MYBL1: variants seen among roughly 807,000 people sequenced by gnomAD.
MYBL1 encodes MYB proto-oncogene like 1.
MYBL1 carries 17 observed loss-of-function variants against 96.3 expected under a neutral mutation model. The observed-to-expected ratio is 0.18, with a 90% CI of 0.12 to 0.26. MYBL1 has a LOEUF of 0.26. Ranked by LOEUF, MYBL1 falls within the 10% of genes least tolerant of loss-of-function variation. The probability of loss-of-function intolerance (pLI) is 1.00; values close to 1 mark genes in which losing one functional copy is unlikely to be tolerated. For missense variants in MYBL1, 701 were observed against 882.9 expected (o/e 0.79, Z 2.61); for synonymous variants, 282 against 292.7 (o/e 0.96, Z 0.37).
intron 1 of MYBL1, among the ~76,000 whole-genome samples, chr8:66,605,154 T>C (rs1810262830): frequency 6.6e-6 from 1 of 152,188 alleles, no homozygotes; most frequent in African/African-American, 2.4e-5. Context: ...AAAGTATAAA[T>C]GAAATGTTTT....
chr8:66,611,765 A>G (rs1223603070), intron 1 of MYBL1, among the ~76,000 whole-genome samples: 2 of 152,240 alleles, frequency 1.3e-5, no homozygotes, highest in Non-Finnish European at 2.9e-5. Flanking sequence ...AAAACTAAGG[A>G]AAAAACAATT....
chr8:66,600,067 A>G (rs1810008448), intron 3 of MYBL1, among the ~76,000 whole-genome samples: 1 of 152,248 alleles, frequency 6.6e-6, no homozygotes, highest in South Asian at 2.1e-4. Flanking sequence ...AAGTGTTGAC[A>G]CTTAAAAAGA....
At chr8:66,571,102 G>A (rs1042313452) in intron 12 of MYBL1, among the ~76,000 whole-genome samples, 2 of 152,024 alleles carry the variant, frequency 1.3e-5, no homozygotes, top group African/African-American at 4.8e-5. Flanking sequence ...AAAAATAGAA[G>A]AACATAACTA....
At chr8:66,583,409 T>C (rs1015198083) in intron 8 of MYBL1, among the ~76,000 whole-genome samples, 2 of 151,784 alleles carry the variant, frequency 1.3e-5, no homozygotes, top group Non-Finnish European at 2.9e-5. Flanking sequence ...AAATAAACAA[T>C]GTAGCTAGAA....
chr8:66,585,317 T>C (rs1428128193), intron 8 of MYBL1, among the ~76,000 whole-genome samples: 1 of 152,178 alleles, frequency 6.6e-6, no homozygotes, highest in Non-Finnish European at 1.5e-5. Flanking sequence ...GATATCCATA[T>C]GCAGAAAAAT....
chr8:66,609,957 G>C (rs911839479), intron 1 of MYBL1, among the ~76,000 whole-genome samples: 2 of 151,890 alleles, frequency 1.3e-5, no homozygotes, highest in African/African-American at 4.8e-5. Flanking sequence ...CAGTAAAATT[G>C]GTTCCTATAC....
chr8:66,582,859 T>C, intron 8 of MYBL1, among the ~76,000 whole-genome samples: 1 of 152,158 alleles, frequency 6.6e-6, no homozygotes, highest in Non-Finnish European at 1.5e-5. Flanking sequence ...CAAATACTAT[T>C]TGATCTAAAA....
chr8:66,580,504 A>G lies in MYBL1; in HGVS notation c.868-138T>C, dbSNP rs1809163837. The stretch of plus-strand genomic sequence containing the variant: ...TCCTCAAAATTGGTATACTTTTTTC[A>G]TTAAACTTCATGCTTTGACTATGTT... On this transcript the variant is annotated intron_variant, in intron 8 of 15. Coordinates refer to ENST00000522677, the MANE Select transcript of MYBL1 (RefSeq NM_001080416.4). The G allele has an allele frequency of 5.0e-6, 3 of 604,646 alleles. No individual in the cohort carries two copies. The South Asian group carries it at 7.0e-5, about 14-fold the overall frequency. 37.5% of individuals were successfully genotyped at this position (604,646 alleles called of 1,614,324 possible).
chr8:66,572,644 T>C (rs1176547251), intron 11 of MYBL1, 48 bp from the exon 12 acceptor site: 1 of 944,260 alleles, frequency 1.1e-6, no homozygotes, highest in Non-Finnish European at 1.6e-6. Context: ...TCTGATTTCA[T>C]ACAAGTTAAT....
Position 66,580,194 on chromosome 8 carries a change from G to C in MYBL1, c.1040C>G (p.Ala347Gly). ...PTKFLAVEAN[A>G]VLSSLQTIPE... ...GATGGTCTGCAAAGAGGATAACACA[G>C]CGTTTGCCTCCACGGCCAGGAACTT... is the stretch of plus-strand genomic sequence containing the variant. Residue 347 changes from alanine (A) to glycine (G), a missense_variant, in exon 9 of 16, where the codon GCT (alanine) becomes GGT (glycine). Around this residue, in one of 5 missense-constraint regions of MYBL1, gnomAD observed 396 missense variants for 407.4 expected, o/e 0.97. Transcript: ENST00000522677. The C allele has an allele frequency of 6.2e-7, 1 of 1,613,984 alleles. No individual in the cohort carries two copies. Among genetic ancestry groups the C allele is most frequent in the South Asian group, 1.1e-5 (1 of 91,078 alleles).
At chr8:66,591,822 A>G (rs191274745) in intron 8 of MYBL1, among the ~76,000 whole-genome samples, 67 of 152,248 alleles carry the variant, frequency 4.4e-4, no homozygotes, top group African/African-American at 1.4e-3. Flanking sequence ...CTAAACACAC[A>G]TAATTTTCAC....
At chr8:66,609,612 A>T (rs1810451697) in intron 1 of MYBL1, among the ~76,000 whole-genome samples, 1 of 152,034 alleles carries the variant, frequency 6.6e-6, no homozygotes. Flanking sequence ...AGTAAGACAA[A>T]CTTTACAAAA....
At chr8:66,595,004 C>A (rs1809795006) in intron 6 of MYBL1, among the ~76,000 whole-genome samples, 1 of 152,122 alleles carries the variant, frequency 6.6e-6, no homozygotes. Flanking sequence ...ACACTAATTT[C>A]TTCCAAGTAG....
intron 12 of MYBL1, among the ~76,000 whole-genome samples, chr8:66,567,987 C>T (rs759670948): frequency 6.8e-6 from 1 of 147,614 alleles, no homozygotes; most frequent in East Asian, 2.0e-4. Context: ...GCAGAAGTTG[C>T]AGTGAGCCGA....
At chr8:66,565,267 T>C (rs1221088149) in intron 15 of MYBL1, 1 of 152,296 alleles carries the variant, frequency 6.6e-6, no homozygotes, top group Non-Finnish European at 1.5e-5. Flanking sequence ...CTTATGTTTT[T>C]TTCCTTCCCT....
intron 1 of MYBL1, chr8:66,612,229 G>T (rs73250241): frequency 0.13 from 20,333 of 152,110 alleles, 3,241 homozygotes; most frequent in African/African-American, 0.38. Context: ...ATGGTCCCAA[G>T]AGAGGATATT....
chr8:66,570,873 T>G (rs1254627019), intron 12 of MYBL1, among the ~76,000 whole-genome samples: 1 of 152,148 alleles, frequency 6.6e-6, no homozygotes, highest in Non-Finnish European at 1.5e-5. Context: ...TGTATACGCA[T>G]AAATAAAAAC....
chr8:66,569,301 G>T (rs1027299635), intron 12 of MYBL1, among the ~76,000 whole-genome samples: 3 of 151,028 alleles, frequency 2.0e-5, no homozygotes, highest in Admixed American at 2.0e-4. Flanking sequence ...CTTTTTTATG[G>T]CTGCATAGTA....
intron 6 of MYBL1, among the ~76,000 whole-genome samples, chr8:66,594,465 C>T (rs76101821): frequency 0.08 from 12,149 of 151,984 alleles, 976 homozygotes; most frequent in African/African-American, 0.2. Flanking sequence ...AAAAGGGAAA[C>T]AATTCTTACA....
Sources: allele counts gnomAD v4.1 joint callset (sites outside exome capture counted in the v4.1 genomes callset), GRCh38; gene constraint gnomAD v4.1.1; regional missense constraint gnomAD v4.1.1; transcripts MANE v1.5; gene names NCBI Gene and HGNC (gene_info 2026-07-23, HGNC 2026-07-21).